ITSN1: variants seen among roughly 807,000 people sequenced by gnomAD.
ITSN1 encodes the protein intersectin-1.
ITSN1 carries 58 observed loss-of-function variants against 239.8 expected under a neutral mutation model. The ratio of observed to expected loss-of-function variants is 0.24; its 90% CI spans 0.20 to 0.30. ITSN1 has a LOEUF of 0.30. Ranked by LOEUF, ITSN1 falls within the 10% of genes least tolerant of loss-of-function variation. ITSN1 has a pLI of 1.00. For missense variants in ITSN1, 1,558 were observed against 2,103.3 expected (o/e 0.74, Z 5.07); for synonymous variants, 780 against 770.8 (o/e 1.01, Z -0.20).
intron 1 of ITSN1, among the ~76,000 whole-genome samples, chr21:33,680,170 A>G (rs1022310974): frequency 7.9e-5 from 12 of 152,066 alleles, no homozygotes; most frequent in Non-Finnish European, 1.6e-4. Flanking sequence ...TAGTTAATTT[A>G]TTTCAAGGGG....
At chr21:33,871,690 G>A (rs1055857016) in intron 33 of ITSN1, among the ~76,000 whole-genome samples, 9 of 150,158 alleles carry the variant, frequency 6.0e-5, no homozygotes, top group Non-Finnish European at 1.0e-4. Flanking sequence ...GCAGTGAGCC[G>A]AGATCGCGCC....
chr21:33,714,563 A>G (rs1162809126), intron 1 of ITSN1, among the ~76,000 whole-genome samples: 1 of 152,238 alleles, frequency 6.6e-6, no homozygotes, highest in East Asian at 1.9e-4. Context: ...AGTTATATTT[A>G]TGTTTGCTGT....
At chr21:33,719,140 A>G (rs1165959129) in intron 2 of ITSN1, among the ~76,000 whole-genome samples, 2 of 152,196 alleles carry the variant, frequency 1.3e-5, no homozygotes, top group Middle Eastern at 3.2e-3. Context: ...TATCACATCT[A>G]TAAAAATTTA....
At chr21:33,822,417 G>A (rs961674594) in intron 24 of ITSN1, among the ~76,000 whole-genome samples, 1 of 152,050 alleles carries the variant, frequency 6.6e-6, no homozygotes, top group Admixed American at 6.5e-5. Flanking sequence ...TGGGTAAATG[G>A]TGATTTTTCT....
chr21:33,848,036 A>C lies in ITSN1; in HGVS notation c.3662-8700A>C, dbSNP rs183530577. Among the ~76,000 whole-genome samples, 284 of 152,330 alleles carry C rather than the reference A, an allele frequency of 1.9e-3. 3 individuals carry two copies. Among genetic ancestry groups the C allele is most frequent in the South Asian group, 9.1e-3 (44 of 4,832 alleles). Reference sequence around the variant, plus strand: ...AAACTCCAGGGCCACAGCCCCGTCCATGCCACACACAGCTGCCGCACTGAT... The same window carrying C: ...AAACTCCAGGGCCACAGCCCCGTCCCTGCCACACACAGCTGCCGCACTGAT... On this transcript the variant is annotated intron_variant, in intron 29 of 39. Transcript: ENST00000381318.
In ITSN1 at chr21:33,759,596, T is replaced by C. The variant is rs147001761; in HGVS notation, c.725-2327T>C. On this transcript the variant is annotated intron_variant, in intron 8 of 39. Transcript: ENST00000381318. ...GTTACAGACTAAAGAAAGTGATGCC[T>C]GAACTTTGCTCATTCCATTGTACCA... Among the ~76,000 whole-genome samples, 625 of 152,348 alleles carry C rather than the reference T, an allele frequency of 4.1e-3. 4 individuals are homozygous for C. Among genetic ancestry groups the C allele is most frequent in the African/African-American group, 0.014 (595 of 41,582 alleles).
chr21:33,875,248 G>C (rs1983530994), intron 33 of ITSN1, 106 bp from the exon 34 acceptor site: 2 of 1,271,696 alleles, frequency 1.6e-6, no homozygotes, highest in South Asian at 2.4e-5. Context: ...CGCCGTCCAT[G>C]AAAGGATGGT....
chr21:33,710,245 A>AT (rs1196958790), intron 1 of ITSN1, among the ~76,000 whole-genome samples: 2 of 151,578 alleles, frequency 1.3e-5, no homozygotes, highest in East Asian at 3.9e-4. Context: ...CGCCTGGCTA[A>AT]TTTTTTGTAT....
At chr21:33,712,484 G>A (rs2092443258) in intron 1 of ITSN1, among the ~76,000 whole-genome samples, 1 of 152,184 alleles carries the variant, frequency 6.6e-6, no homozygotes, top group Non-Finnish European at 1.5e-5. Context: ...CATATCTCAG[G>A]TGTGAGCCTA....
intron 29 of ITSN1, among the ~76,000 whole-genome samples, chr21:33,840,086 T>A (rs184346490): frequency 6.6e-6 from 1 of 152,330 alleles, no homozygotes; most frequent in Admixed American, 6.5e-5. Context: ...CCTAAGCTCA[T>A]GTCGTGTATC....
chr21:33,848,659 C>T (rs2075058584), intron 29 of ITSN1, among the ~76,000 whole-genome samples: 2 of 152,224 alleles, frequency 1.3e-5, no homozygotes, highest in African/African-American at 4.8e-5. Context: ...AATGAGTTTG[C>T]ACATGTGCAG....
rs910334472 is a variant in ITSN1 at position 33,644,116 on chromosome 21, A to G, written c.-33+1403A>G. On this transcript the variant is annotated intron_variant, in intron 1 of 39. Coordinates refer to ENST00000381318, the MANE Select transcript of ITSN1 (RefSeq NM_003024.3). ...ATGACTTTAAGGTTGAGAGTGCAGA[A>G]GCTTAAACATCCTTCATAGTTATTA... is the stretch of plus-strand genomic sequence containing the variant. 2.6e-5 allele frequency among the ~76,000 whole-genome samples: 4 copies of G among 152,356 alleles called. No individual in the cohort carries two copies. The South Asian group carries it at 6.2e-4, about 24-fold the overall frequency.
chr21:33,809,553 T>A (rs1170466082), intron 20 of ITSN1, among the ~76,000 whole-genome samples: 1 of 152,190 alleles, frequency 6.6e-6, no homozygotes, highest in Non-Finnish European at 1.5e-5. Context: ...ATGTAATCAT[T>A]TTTTGCTTTA....
intron 11 of ITSN1, among the ~76,000 whole-genome samples, chr21:33,770,361 C>T (rs1026319974): frequency 2.0e-5 from 3 of 152,176 alleles, no homozygotes; most frequent in Admixed American, 1.3e-4. Flanking sequence ...CCGTGCCTGG[C>T]CAGCTAATCT....
chr21:33,750,397 C>G, intron 6 of ITSN1, 75 bp downstream of exon 6: 1 of 1,302,634 alleles, frequency 7.7e-7, no homozygotes, highest in Non-Finnish European at 1.1e-6. Flanking sequence ...AATATTTTCT[C>G]TTCACGTTCT....
At chr21:33,687,450 A>G (rs2146604508) in intron 1 of ITSN1, among the ~76,000 whole-genome samples, 1 of 148,592 alleles carries the variant, frequency 6.7e-6, no homozygotes, top group East Asian at 2.0e-4. Context: ...CCACATTAGG[A>G]TGCTTATCGG....
intron 1 of ITSN1, among the ~76,000 whole-genome samples, chr21:33,695,705 G>A (rs1324964392): frequency 6.6e-6 from 1 of 152,202 alleles, no homozygotes; most frequent in Non-Finnish European, 1.5e-5. Context: ...ATAAGAAATT[G>A]AGGAAATCTA....
At chr21:33,766,946 T>C (rs1427320062) in intron 10 of ITSN1, among the ~76,000 whole-genome samples, 2 of 152,174 alleles carry the variant, frequency 1.3e-5, no homozygotes, top group African/African-American at 4.8e-5. Flanking sequence ...GGCGGGTGGA[T>C]CACTTGAGGT....
chr21:33,853,734 C>A (rs998943364), intron 29 of ITSN1, among the ~76,000 whole-genome samples: 1 of 152,198 alleles, frequency 6.6e-6, no homozygotes, highest in African/African-American at 2.4e-5. Context: ...CTGTGTCCTG[C>A]ATGTTGTGGG....
Sources: gnomAD v4.1 joint callset for allele counts (sites outside exome capture counted in the v4.1 genomes callset) on GRCh38, gnomAD v4.1.1 for gene constraint, MANE v1.5 for transcripts, NCBI Gene and HGNC (gene_info 2026-07-23, HGNC 2026-07-21) for gene names.